KHDRBS2: variants seen among roughly 807,000 people sequenced by gnomAD.
KHDRBS2 encodes the protein KH RNA binding domain containing, signal transduction associated 2.
KHDRBS2 carries 26 observed loss-of-function variants against 44.3 expected under a neutral mutation model. The ratio of observed to expected loss-of-function variants is 0.59; its 90% CI spans 0.43 to 0.81. KHDRBS2 has a LOEUF of 0.81. Among genes scored for constraint, KHDRBS2 ranks in the 40% least tolerant of loss-of-function variants. The pLI is 0.00. For missense variants in KHDRBS2, 476 were observed against 433.1 expected, an observed-to-expected ratio of 1.10 and a Z score of -0.88; for synonymous variants, 194 against 151.1, an observed-to-expected ratio of 1.28 and a Z score of -2.08.
the KHDRBS2 span, among the ~76,000 whole-genome samples, chr6:61,564,975 AATTTACAC>A: frequency 0.027 from 4,157 of 152,182 alleles, 85 homozygotes; most frequent in Non-Finnish European, 0.043. Flanking sequence ...TAAAGAAATA[AATTTACAC>A]ATTTACAGTC....
At chr6:61,944,665 G>A (rs1295333123) in intron 4 of KHDRBS2, among the ~76,000 whole-genome samples, 1 of 152,014 alleles carries the variant, frequency 6.6e-6, no homozygotes, top group Non-Finnish European at 1.5e-5. Flanking sequence ...TTGAAATGTT[G>A]CCAACACATA....
intron 4 of KHDRBS2, among the ~76,000 whole-genome samples, chr6:61,966,497 G>A (rs558161803): frequency 6.6e-6 from 1 of 152,008 alleles, no homozygotes; most frequent in Non-Finnish European, 1.5e-5. Flanking sequence ...ATGATAATTT[G>A]CATGTGCATT....
intron 6 of KHDRBS2, among the ~76,000 whole-genome samples, chr6:61,892,423 A>G (rs1449720563): frequency 6.6e-6 from 1 of 152,186 alleles, no homozygotes; most frequent in Non-Finnish European, 1.5e-5. Flanking sequence ...TATGGAACCA[A>G]AAAAGAGCCT....
intron 6 of KHDRBS2, among the ~76,000 whole-genome samples, chr6:61,761,949 G>T (rs1582665564): frequency 6.6e-6 from 1 of 152,000 alleles, no homozygotes; most frequent in African/African-American, 2.4e-5. Flanking sequence ...AATAAATAAT[G>T]AAAATATAAA....
chr6:61,701,282 CT>C (rs1454211758), intron 7 of KHDRBS2, among the ~76,000 whole-genome samples: 1 of 151,952 alleles, frequency 6.6e-6, no homozygotes, highest in Admixed American at 6.6e-5. Flanking sequence ...GTGAACAGAA[CT>C]TTACTAAGAG....
chr6:61,973,344 G>A (rs1771835804), intron 4 of KHDRBS2, among the ~76,000 whole-genome samples: 1 of 151,936 alleles, frequency 6.6e-6, no homozygotes, highest in Non-Finnish European at 1.5e-5. Context: ...TATGATTGCT[G>A]TTAGTAATCA....
the KHDRBS2 span, among the ~76,000 whole-genome samples, chr6:61,593,540 A>G: frequency 6.6e-6 from 1 of 151,762 alleles, no homozygotes; most frequent in Non-Finnish European, 1.5e-5. Flanking sequence ...TCTACCAAAG[A>G]TAAATTATAG....
chr6:61,606,873 A>G, the KHDRBS2 span, among the ~76,000 whole-genome samples: 1 of 152,168 alleles, frequency 6.6e-6, no homozygotes, highest in African/African-American at 2.4e-5. Context: ...AGATATCTCA[A>G]ACATGTCAAT....
chr6:61,543,357 G>A, the KHDRBS2 span, among the ~76,000 whole-genome samples: 1 of 151,920 alleles, frequency 6.6e-6, no homozygotes, highest in Non-Finnish European at 1.5e-5. Context: ...GATATATGTA[G>A]AGGTGCTCAT....
chr6:61,930,521 C>T (rs1472784113), intron 4 of KHDRBS2, among the ~76,000 whole-genome samples: 44 of 75,428 alleles, frequency 5.8e-4, no homozygotes, highest in Admixed American at 1.6e-3. Context: ...CTATACCGCC[C>T]CTAAAAAAAA....
At chr6:61,992,617 G>A (rs9445771) in intron 3 of KHDRBS2, among the ~76,000 whole-genome samples, 3,197 of 152,174 alleles carry the variant, frequency 0.021, 115 homozygotes, top group African/African-American at 0.074. Context: ...GTGTTTGTGC[G>A]CGCGTGCGCA....
At chr6:61,854,809 G>T (rs543620145) in intron 6 of KHDRBS2, among the ~76,000 whole-genome samples, 4 of 152,268 alleles carry the variant, frequency 2.6e-5, no homozygotes, top group East Asian at 1.9e-4. Context: ...CATTCACCAA[G>T]TCTTTGAAGA....
chr6:62,167,915 C>T (rs1370508548), intron 2 of KHDRBS2, among the ~76,000 whole-genome samples: 1 of 152,040 alleles, frequency 6.6e-6, no homozygotes, highest in African/African-American at 2.4e-5. Context: ...CTTTAAAAGT[C>T]AGAAAAATCA....
intron 3 of KHDRBS2, among the ~76,000 whole-genome samples, chr6:62,044,182 T>A (rs1031307126): frequency 6.6e-6 from 1 of 152,002 alleles, no homozygotes; most frequent in Non-Finnish European, 1.5e-5. Flanking sequence ...GTCTCCCGCT[T>A]AAGTGCTCAC....
At position 61,722,494 on chromosome 6, in the gene KHDRBS2, A is replaced by T. The variant is rs1256052441; in HGVS notation, c.893+10188T>A. ...GGCATCTTCCAGATTCTATTTTATA[A>T]TCTCACAAATTCTATGTTCACTTAT... On this transcript the variant is annotated intron_variant, in intron 7 of 8. Transcript: ENST00000281156. 2.6e-5 allele frequency among the ~76,000 whole-genome samples: 4 copies of T among 152,166 alleles called. No individual in the cohort carries two copies. The East Asian group carries it at 7.7e-4, about 29-fold the overall frequency.
At chr6:61,882,734 C>T (rs1274382956) in intron 6 of KHDRBS2, among the ~76,000 whole-genome samples, 1 of 151,954 alleles carries the variant, frequency 6.6e-6, no homozygotes, top group Non-Finnish European at 1.5e-5. Context: ...AAGGATTTAG[C>T]AGCCTCTATT....
chr6:61,550,464 T>C, the KHDRBS2 span, among the ~76,000 whole-genome samples: 2 of 152,190 alleles, frequency 1.3e-5, no homozygotes, highest in African/African-American at 4.8e-5. Flanking sequence ...ACTGATTCCA[T>C]ATCTTTGTTA....
At chr6:61,744,193 AC>A (rs1204977139) in intron 6 of KHDRBS2, among the ~76,000 whole-genome samples, 1 of 152,128 alleles carries the variant, frequency 6.6e-6, no homozygotes, top group Admixed American at 6.6e-5. Context: ...CTGGCAGAAG[AC>A]ATAACTCTTG....
At chr6:62,185,815 G>C (rs1413081167) in intron 1 of KHDRBS2, among the ~76,000 whole-genome samples, 1 of 151,970 alleles carries the variant, frequency 6.6e-6, no homozygotes, top group African/African-American at 2.4e-5. Context: ...TTGGCTTACA[G>C]TTCCTCTCCC....
Sources: allele counts gnomAD v4.1 joint callset (sites outside exome capture counted in the v4.1 genomes callset), GRCh38; gene constraint gnomAD v4.1.1; transcripts MANE v1.5; gene names NCBI Gene and HGNC (gene_info 2026-07-23, HGNC 2026-07-21).